Variants in CSMD1 observed in about 807,000 individuals in gnomAD.
CSMD1 encodes the protein CUB and Sushi multiple domains 1.
A neutral mutation model predicts 417.5 loss-of-function variants in CSMD1; 213 were observed. The ratio of observed to expected loss-of-function variants is 0.51; its 90% CI spans 0.46 to 0.57. The LOEUF (loss-of-function observed/expected upper bound fraction) is 0.57. Ranked by LOEUF, CSMD1 falls within the 20% of genes least tolerant of loss-of-function variation. The pLI is 0.00. For synonymous variants in CSMD1, 2,862 were observed against 1,736.8 expected (o/e 1.65, Z -16.11); for missense variants, 6,923 against 4,529.7 (o/e 1.53, Z -15.17).
intron 7 of CSMD1, among the ~76,000 whole-genome samples, chr8:3,629,010 A>T (rs1375075959): frequency 1.3e-5 from 2 of 152,204 alleles, no homozygotes; most frequent in African/African-American, 2.4e-5. Flanking sequence ...AAAAGATAAA[A>T]TAGAATTCTA....
rs897834688 is a variant in CSMD1, at chr8:3,671,375, A to G, written c.1009+37039T>C. ...ATTTAATTTCATAAATTGCCTGAAA[A>G]CTTTTATATCTCAGAAGCATATAGA... On this transcript the variant is annotated intron_variant, in intron 7 of 69. Coordinates refer to ENST00000635120, the MANE Select transcript of CSMD1 (RefSeq NM_033225.6). Among the ~76,000 whole-genome samples the G allele has an allele frequency of 1.8e-4, 27 of 147,630 alleles. 1 individual carries two copies. The highest frequency in any genetic ancestry group is 1.8e-3 in the Admixed American group (26 of 14,604).
intron 41 of CSMD1, among the ~76,000 whole-genome samples, chr8:3,138,731 A>T (rs1188343765): frequency 3.3e-5 from 5 of 152,170 alleles, no homozygotes; most frequent in Admixed American, 3.3e-4. Flanking sequence ...GCTGCTGGAG[A>T]TATTTCAGAG....
At chr8:4,824,858 G>A (rs965341145) in intron 1 of CSMD1, among the ~76,000 whole-genome samples, 3 of 152,122 alleles carry the variant, frequency 2.0e-5, no homozygotes, top group Non-Finnish European at 4.4e-5. Flanking sequence ...ATCTCCAAGT[G>A]AAATGTCATT....
chr8:4,797,608 G>T (rs142657581), intron 1 of CSMD1, among the ~76,000 whole-genome samples: 1 of 152,084 alleles, frequency 6.6e-6, no homozygotes, highest in Non-Finnish European at 1.5e-5. Context: ...GGGGGAGAGA[G>T]AAAAAGAGAT....
At chr8:3,404,319 A>G (rs1220337895) in intron 15 of CSMD1, among the ~76,000 whole-genome samples, 1 of 134,476 alleles carries the variant, frequency 7.4e-6, no homozygotes, top group Non-Finnish European at 1.6e-5. Context: ...TGGGTGACAG[A>G]GCCAGACGCT....
chr8:4,733,795 A>G (rs1810050590), intron 1 of CSMD1, among the ~76,000 whole-genome samples: 1 of 152,228 alleles, frequency 6.6e-6, no homozygotes, highest in South Asian at 2.1e-4. Flanking sequence ...ATCCTTCATG[A>G]CTACTACTAA....
At chr8:4,458,160 A>T (rs1799598863) in intron 2 of CSMD1, among the ~76,000 whole-genome samples, 2 of 152,138 alleles carry the variant, frequency 1.3e-5, no homozygotes, top group South Asian at 4.1e-4. Flanking sequence ...TCTTGAGTGG[A>T]TGCTGATTAA....
intron 3 of CSMD1, among the ~76,000 whole-genome samples, chr8:4,418,912 C>T (rs1167934081): frequency 6.6e-6 from 1 of 152,122 alleles, no homozygotes; most frequent in Non-Finnish European, 1.5e-5. Context: ...CAGCATTATT[C>T]CACACGTAAC....
intron 3 of CSMD1, among the ~76,000 whole-genome samples, chr8:4,357,005 G>A (rs928114238): frequency 1.3e-5 from 2 of 152,134 alleles, no homozygotes; most frequent in African/African-American, 2.4e-5. Context: ...GAAGATAAAC[G>A]AATTTCAATT....
chr8:4,777,461 C>T (rs1796924294), intron 1 of CSMD1, among the ~76,000 whole-genome samples: 1 of 152,052 alleles, frequency 6.6e-6, no homozygotes, highest in Non-Finnish European at 1.5e-5. Context: ...CAGATGTGTG[C>T]CTAGACTCCT....
chr8:3,407,616 T>C lies in CSMD1; in HGVS notation c.2071+283A>G, dbSNP rs141819815. On this transcript the variant is annotated intron_variant, in intron 14 of 69. Coordinates refer to ENST00000635120, the MANE Select transcript of CSMD1 (RefSeq NM_033225.6). ...AATGATGGATGGATGAATGGATGGA[T>C]GGATAAATGGAAAACCGGAGAGAAA... 4.5e-3 allele frequency among the ~76,000 whole-genome samples: 681 copies of C among 152,122 alleles called. 2 individuals are homozygous for C. The highest frequency in any genetic ancestry group is 6.0e-3 in the Non-Finnish European group (411 of 67,980).
intron 3 of CSMD1, among the ~76,000 whole-genome samples, chr8:4,144,639 T>C (rs1804001490): frequency 1.3e-5 from 2 of 151,056 alleles, no homozygotes; most frequent in East Asian, 3.9e-4. Context: ...TGGAGCTTCT[T>C]TTTATCAGGA....
intron 7 of CSMD1, among the ~76,000 whole-genome samples, chr8:3,691,742 G>C (rs1398792331): frequency 2.6e-5 from 4 of 151,642 alleles, no homozygotes; most frequent in African/African-American, 4.8e-5. Context: ...TTTAGAATTT[G>C]AGAAAATGAG....
intron 3 of CSMD1, among the ~76,000 whole-genome samples, chr8:4,194,011 T>C (rs1584998245): frequency 6.6e-6 from 1 of 152,130 alleles, no homozygotes; most frequent in African/African-American, 2.4e-5. Context: ...CTTCATAATG[T>C]TTTTGATATT....
At chr8:4,464,157 T>C (rs1312298375) in intron 2 of CSMD1, among the ~76,000 whole-genome samples, 1 of 152,182 alleles carries the variant, frequency 6.6e-6, no homozygotes, top group African/African-American at 2.4e-5. Flanking sequence ...GCTGGAATTC[T>C]ACTTCCTCTC....
intron 1 of CSMD1, among the ~76,000 whole-genome samples, chr8:4,662,403 A>G (rs1214698210): frequency 6.6e-6 from 1 of 152,218 alleles, no homozygotes; most frequent in Admixed American, 6.5e-5. Flanking sequence ...ATTAGATTCT[A>G]CAAAAAGACC....
At chr8:3,768,720 T>C (rs2129058167) in intron 5 of CSMD1, among the ~76,000 whole-genome samples, 1 of 152,344 alleles carries the variant, frequency 6.6e-6, no homozygotes, top group South Asian at 2.1e-4. Flanking sequence ...GTAATTTCTT[T>C]ATTAACACGC....
chr8:4,352,473 T>C (rs1393228460), intron 3 of CSMD1, among the ~76,000 whole-genome samples: 8 of 152,318 alleles, frequency 5.3e-5, no homozygotes, highest in African/African-American at 1.9e-4. Context: ...GGAAATATTC[T>C]CCAGAACATA....
intron 7 of CSMD1, among the ~76,000 whole-genome samples, chr8:3,706,463 T>C (rs1801175196): frequency 6.6e-6 from 1 of 152,230 alleles, no homozygotes; most frequent in African/African-American, 2.4e-5. Flanking sequence ...CATTCCTCAT[T>C]TTCCCTAATG....
Sources: gnomAD v4.1 joint callset for allele counts (sites outside exome capture counted in the v4.1 genomes callset) on GRCh38, gnomAD v4.1.1 for gene constraint, MANE v1.5 for transcripts, NCBI Gene and HGNC (gene_info 2026-07-23, HGNC 2026-07-21) for gene names.